MUC5B: variants seen among roughly 807,000 people sequenced by gnomAD.
MUC5B encodes mucin 5B, oligomeric mucus/gel-forming.
MUC5B carries 116 observed loss-of-function variants against 376.9 expected under a neutral mutation model. That is an observed-to-expected ratio of 0.31 (90% confidence interval 0.26 to 0.36). The LOEUF (loss-of-function observed/expected upper bound fraction) is 0.36. Ranked by LOEUF, MUC5B falls within the 10% of genes least tolerant of loss-of-function variation. The pLI is 1.00. For synonymous variants in MUC5B, 3,517 were observed against 3,390.9 expected (o/e 1.04, Z -1.29); for missense variants, 7,165 against 7,769.9 (o/e 0.92, Z 2.93).
chr11:1,250,577 C>T lies in MUC5B; in HGVS notation c.13697C>T (p.Thr4566Ile). ...ACTGTCCACACCTCCACAGTGCTTA[C>T]CGCCACGGCCACCACAACCGGGGCC... ...PETVHTSTVL[T>I]ATATTTGATG... The change falls in exon 31 of 49, where the codon ACC becomes ATC. Residue 4566 changes from threonine to isoleucine, a missense_variant. Coordinates refer to ENST00000529681, the MANE Select transcript of MUC5B (RefSeq NM_002458.3). 1 of 1,613,712 alleles carries T rather than the reference C, an allele frequency of 6.2e-7. No homozygotes were observed. Among genetic ancestry groups the T allele is most frequent in the Non-Finnish European group, 8.5e-7 (1 of 1,179,832 alleles).
In MUC5B at chr11:1,253,796, T is replaced by TGAGG. The variant is rs1053553678; in HGVS notation, c.15218-294_15218-291dup. ...CCCGTAAGGACACTGGTCATTGGATTGAGGGCCCACCCAGCTAGTCCACGA... is the reference window on the plus strand; with the variant it reads ...CCCGTAAGGACACTGGTCATTGGATTGAGGGAGGGCCCACCCAGCTAGTCCACGA... On this transcript the variant is annotated intron_variant, in intron 33 of 48. Coordinates refer to ENST00000529681, the MANE Select transcript of MUC5B (RefSeq NM_002458.3). This position sits in a 1 kb window ranked among gnomAD's most constrained non-coding sequence, Gnocchi z 4.3. 6.6e-6 allele frequency among the ~76,000 whole-genome samples: 1 copy of TGAGG among 152,226 alleles called. No individual in the cohort carries two copies. The highest frequency in any genetic ancestry group is 1.5e-5 in the Non-Finnish European group (1 of 68,034).
Position 1,245,890 on chromosome 11 carries a change from GCA to G in MUC5B, c.9011_9012del (p.Ala3004AspfsTer376), listed in dbSNP as rs771934140. ...GCAGACCACAGCAGCCACTACGACC[GCA>G]ACCACTGGATCCACGGCCATCCCGT... ...TEQTTAATTT[A>X]TTGSTAIPSS... On this transcript the variant is annotated frameshift_variant, in exon 31 of 49. Coordinates refer to ENST00000529681, the MANE Select transcript of MUC5B (RefSeq NM_002458.3). LOFTEE classifies it high-confidence loss of function. 7.4e-6 allele frequency: 12 copies of G among 1,612,838 alleles called. No homozygotes were observed. The highest frequency in any genetic ancestry group is 4.0e-5 in the African/African-American group (3 of 74,448).
Position 1,247,482 on chromosome 11 carries a change from G to A in MUC5B, c.10602G>A (p.Arg3534=). 2.5e-6 allele frequency: 4 copies of A among 1,607,668 alleles called. No individual in the cohort carries two copies. Among genetic ancestry groups the A allele is most frequent in the Non-Finnish European group, 3.4e-6 (4 of 1,177,420 alleles). The change falls in exon 31 of 49, where the codon AGG becomes AGA. Residue 3534 remains arginine (R), a synonymous_variant. Coordinates refer to ENST00000529681, the MANE Select transcript of MUC5B (RefSeq NM_002458.3). Reference sequence around the variant, plus strand: ...GGACGACCACCCCGGGCCACACCAGGGGCACCTCCAGGACCACAGCCACAG... The same window carrying A: ...GGACGACCACCCCGGGCCACACCAGAGGCACCTCCAGGACCACAGCCACAG... ...SPGTTTPGHT[R]GTSRTTATAT...
chr11:1,244,869 C>G lies in MUC5B; in HGVS notation c.7989C>G (p.Thr2663=), dbSNP rs1026088039. The change falls in exon 31 of 49, where the codon ACC becomes ACG. Residue 2663 remains threonine (T), a synonymous_variant. Coordinates refer to ENST00000529681, the MANE Select transcript of MUC5B (RefSeq NM_002458.3). ...PGTTHTPTVL[T]TTTTTVATGS... Reference sequence around the variant, plus strand: ...CCACCCACACCCCCACAGTGCTGACCACCACCACCACAACTGTGGCCACTG... The same window carrying G: ...CCACCCACACCCCCACAGTGCTGACGACCACCACCACAACTGTGGCCACTG... 6.8e-6 allele frequency: 11 copies of G among 1,612,946 alleles called. No individual in the cohort carries two copies. The highest frequency in any genetic ancestry group is 9.3e-6 in the Non-Finnish European group (11 of 1,179,570).
In MUC5B at chr11:1,242,289, T is replaced by G. The variant is rs1371292660; in HGVS notation, c.5409T>G (p.Val1803=). ...WFDVDFPTSG[V]AGGDMETFEN... ...ACGTGGACTTCCCAACCTCAGGGGT[T>G]GCAGGCGGGGACATGGAAACTTTTG... The change falls in exon 31 of 49, where the codon GTT becomes GTG. Residue 1803 remains valine, a synonymous_variant. Transcript: ENST00000529681. 1 of 1,613,898 alleles carries G rather than the reference T, an allele frequency of 6.2e-7. No individual in the cohort carries two copies. The highest frequency in any genetic ancestry group is 2.2e-5 in the East Asian group (1 of 44,888).
Position 1,230,997 on chromosome 11 carries a change from T to A in MUC5B, c.1532T>A (p.Leu511Gln). 1 of 1,593,206 alleles carries A rather than the reference T, an allele frequency of 6.3e-7. No individual in the cohort carries two copies. Among genetic ancestry groups the A allele is most frequent in the South Asian group, 1.1e-5 (1 of 87,596 alleles). Residue 511 changes from leucine (L) to glutamine (Q), a missense_variant, in exon 13 of 49, where the codon CTG becomes CAG. Around this residue, in one of 31 missense-constraint regions of MUC5B, gnomAD observed 640 missense variants for 733.0 expected, o/e 0.87. Transcript: ENST00000529681. ...FLNSIYTQLP[L>Q]SAANITLFTP... Reference sequence around the variant, plus strand: ...AACTCCATCTACACGCAGCTGCCCCTGTCGGCAGGTATGTGGCTCTCCCAG... The same window carrying A: ...AACTCCATCTACACGCAGCTGCCCCAGTCGGCAGGTATGTGGCTCTCCCAG...
chr11:1,246,429 C>T lies in MUC5B; in HGVS notation c.9549C>T (p.Ala3183=), dbSNP rs1234584165. 2 of 1,613,466 alleles carry T rather than the reference C, an allele frequency of 1.2e-6. No homozygotes were observed. The highest frequency in any genetic ancestry group is 2.2e-5 in the East Asian group (1 of 44,836). ...TGCCCACCGGATCCACGGCCACCGC[C>T]TCCTCCACCCGGGCAACTGCTGGCA... ...VTVPTGSTAT[A]SSTRATAGTL... Residue 3183 remains alanine, a synonymous_variant, in exon 31 of 49, where the codon GCC becomes GCT. Transcript: ENST00000529681.
rs1862759375 is a variant in MUC5B at position 1,253,624 on chromosome 11, G to C, written c.15218-468G>C. ...CTGAGATCCAGGCGGGCAGGGGATAGACTCCCTGCTGAGGGTCTGGGGAGG... is the reference window on the plus strand; with the variant it reads ...CTGAGATCCAGGCGGGCAGGGGATACACTCCCTGCTGAGGGTCTGGGGAGG... On this transcript the variant is annotated intron_variant, in intron 33 of 48. Coordinates refer to ENST00000529681, the MANE Select transcript of MUC5B (RefSeq NM_002458.3). The surrounding 1 kb of genome is among the most constrained non-coding windows in gnomAD (Gnocchi z 4.3). Among the ~76,000 whole-genome samples the C allele has an allele frequency of 6.6e-6, 1 of 152,174 alleles. No homozygotes were observed. The highest frequency in any genetic ancestry group is 1.5e-5 in the Non-Finnish European group (1 of 68,022).
At chr11:1,230,370 G>A (rs1861997204) in intron 11 of MUC5B, 120 bp from the exon 12 acceptor site, 3 of 1,137,478 alleles carry the variant, frequency 2.6e-6, no homozygotes, top group East Asian at 2.6e-5. Context: ...GTGACCAGAG[G>A]TGCCAAGGAC....
Position 1,251,767 on chromosome 11 carries a change from C to T in MUC5B, c.14863+24C>T, listed in dbSNP as rs754104221. ...CGGTGAGTGCATGTGGATAACACTG[C>T]TGTACCCTTTCCCCACATGCTATGC... On this transcript the variant is annotated intron_variant, in intron 31 of 48. Coordinates refer to ENST00000529681, the MANE Select transcript of MUC5B (RefSeq NM_002458.3). 15 of 1,489,022 alleles carry T rather than the reference C, an allele frequency of 1.0e-5. No homozygotes were observed. In the South Asian group the frequency reaches 1.8e-4, roughly 18 times the overall value. 92.2% of individuals were successfully genotyped at this position (1,489,022 alleles called of 1,614,324 possible). A position where few individuals can be genotyped will look rare whatever the true frequency, so the allele number is the denominator to read the frequency against.
At chr11:1,230,864 G>C (rs1296318003) in intron 12 of MUC5B, 72 bp from the exon 13 acceptor site, 1 of 1,528,604 alleles carries the variant, frequency 6.5e-7, no homozygotes, top group African/African-American at 1.4e-5. Context: ...CCCTGGGCAG[G>C]CCACCCCCTC....
chr11:1,261,371 G>A lies in MUC5B; in HGVS notation c.17070-18G>A. 6.5e-7 allele frequency: 1 copy of A among 1,536,430 alleles called. No individual in the cohort carries two copies. Among genetic ancestry groups the A allele is most frequent in the Non-Finnish European group, 8.8e-7 (1 of 1,142,372 alleles). On this transcript the variant is annotated intron_variant, in intron 48 of 48. Coordinates refer to ENST00000529681, the MANE Select transcript of MUC5B (RefSeq NM_002458.3). ...CGGGGCCAAGGTGGCTGATGTGAGGGCCACCCTGCGTCCACAGGTACTCAG... is the reference window on the plus strand; with the variant it reads ...CGGGGCCAAGGTGGCTGATGTGAGGACCACCCTGCGTCCACAGGTACTCAG...
In MUC5B at chr11:1,254,268, T is replaced by C. The variant is rs764039005; in HGVS notation, c.15394T>C (p.Cys5132Arg). 1.8e-5 allele frequency: 29 copies of C among 1,612,012 alleles called. No homozygotes were observed. Among genetic ancestry groups the C allele is most frequent in the Admixed American group, 8.3e-5 (5 of 60,022 alleles). Reference sequence around the variant, plus strand: ...CTCTGCCACTGCCGCTGCCGCCCGCTGCCCCCGCGCCCTCAGCATCCACTA... The same window carrying C: ...CTCTGCCACTGCCGCTGCCGCCCGCCGCCCCCGCGCCCTCAGCATCCACTA... The part of the protein sequence containing the change: ...TASATAAAAR[C>R]PRALSIHYKS... The change falls in exon 34 of 49, where the codon TGC becomes CGC. Residue 5132 changes from cysteine to arginine, a missense_variant. Around this residue, in one of 31 missense-constraint regions of MUC5B, gnomAD observed 842 missense variants for 1,016.9 expected, o/e 0.83. Coordinates refer to ENST00000529681, the MANE Select transcript of MUC5B (RefSeq NM_002458.3).
Position 1,251,272 on chromosome 11 carries a change from A to T in MUC5B, c.14392A>T (p.Thr4798Ser), listed in dbSNP as rs779912603. ...HTSTVLTTTA[T>S]MTRATNSTAT... is the part of the protein sequence containing the mutation. The stretch of plus-strand genomic sequence containing the variant: ...CTCCACAGTGCTGACCACCACAGCC[A>T]CCATGACAAGGGCCACCAATTCCAC... The change falls in exon 31 of 49, where the codon ACC becomes TCC. Residue 4798 changes from threonine to serine, a missense_variant. This residue lies in a region of MUC5B where 730 missense variants were observed against 592.7 expected (regional missense o/e 1.23). Coordinates refer to ENST00000529681, the MANE Select transcript of MUC5B (RefSeq NM_002458.3). 6.2e-7 allele frequency: 1 copy of T among 1,611,380 alleles called. No homozygotes were observed. The highest frequency in any genetic ancestry group is 1.1e-5 in the South Asian group (1 of 91,030).
chr11:1,256,795 G>C (rs758096309), intron 39 of MUC5B, 24 bp downstream of exon 39: 2 of 1,505,894 alleles, frequency 1.3e-6, no homozygotes, highest in Non-Finnish European at 1.8e-6. Context: ...CCTGTGGCGG[G>C]ATACGACCCT....
At position 1,241,088 on chromosome 11, in the gene MUC5B, G is replaced by A. The variant is rs56141839; in HGVS notation, c.4208G>A (p.Arg1403Gln). 619 of 1,612,146 alleles carry A rather than the reference G, an allele frequency of 3.8e-4. 3 individuals are homozygous for A. In the African/African-American group the frequency reaches 6.0e-3, roughly 16 times the overall value. The change falls in exon 31 of 49, where the codon CGG (arginine) becomes CAG (glutamine). Residue 1403 changes from arginine (R) to glutamine (Q), a missense_variant. By Grantham distance (43) the Arg-to-Gln change is conservative (BLOSUM62 1). This residue lies in a region of MUC5B where 517 missense variants were observed against 545.3 expected (regional missense o/e 0.95). Transcript: ENST00000529681. ...CAGCAGGTGGACTGTGACCGCATGC[G>A]GGGGCTGATGTGCGCCAACAGCCAA... ...LGQQVDCDRM[R>Q]GLMCANSQQS...
chr11:1,260,459 G>T, intron 47 of MUC5B, 66 bp downstream of exon 47: 1 of 1,581,584 alleles, frequency 6.3e-7, no homozygotes, highest in East Asian at 2.2e-5. Flanking sequence ...ATCCATTCCT[G>T]CCCAGACATC....
At position 1,243,293 on chromosome 11, in the gene MUC5B, C is replaced by T; in HGVS notation, c.6413C>T (p.Thr2138Ile). The change falls in exon 31 of 49, where the codon ACT becomes ATT. Residue 2138 changes from threonine to isoleucine, a missense_variant. By Grantham distance (89) the Thr-to-Ile change is moderately conservative. This residue lies in a region of MUC5B where 897 missense variants were observed against 779.6 expected (regional missense o/e 1.15). Coordinates refer to ENST00000529681, the MANE Select transcript of MUC5B (RefSeq NM_002458.3). ...GTPPSLTTTA[T>I]TITATGSTTN... ...CCCCCATCACTGACCACCACGGCCA[C>T]TACGATCACGGCCACCGGCTCCACC... The T allele has an allele frequency of 6.4e-7, 1 of 1,557,248 alleles. No homozygotes were observed. Among genetic ancestry groups the T allele is most frequent in the Non-Finnish European group, 8.7e-7 (1 of 1,150,454 alleles).
chr11:1,225,675 C>T lies in MUC5B; in HGVS notation c.71-6C>T. 6.3e-7 allele frequency: 1 copy of T among 1,597,144 alleles called. No individual in the cohort carries two copies. The highest frequency in any genetic ancestry group is 1.1e-5 in the South Asian group (1 of 88,106). ...CCTCACTGACTCCCATTCCCTCTTC[C>T]CACAGAGACCCAGGGCCCTGTGGAG... is the stretch of plus-strand genomic sequence containing the variant. On this transcript the variant is annotated splice_region_variant and splice_polypyrimidine_tract_variant and intron_variant, in intron 1 of 48. Coordinates refer to ENST00000529681, the MANE Select transcript of MUC5B (RefSeq NM_002458.3).
Sources: allele counts gnomAD v4.1 joint callset (sites outside exome capture counted in the v4.1 genomes callset), GRCh38; gene constraint gnomAD v4.1.1; regional missense constraint gnomAD v4.1.1; non-coding constraint Gnocchi (gnomAD v3.1); transcripts MANE v1.5; gene names NCBI Gene and HGNC (gene_info 2026-07-23, HGNC 2026-07-21).